Variants in KLRG1 observed in about 807,000 individuals in gnomAD.
KLRG1 encodes the protein killer cell lectin-like receptor subfamily G member 1.
In KLRG1, 16 loss-of-function variants were observed where a neutral mutation model predicts 21.8. The ratio of observed to expected loss-of-function variants is 0.73; its 90% CI spans 0.50 to 1.11. KLRG1 has a LOEUF of 1.11. Ranked by LOEUF, KLRG1 falls within the 50% of genes most tolerant of loss-of-function variation. The probability of loss-of-function intolerance (pLI) is 0.00; values close to 1 mark genes in which losing one functional copy is unlikely to be tolerated. For synonymous variants in KLRG1, 69 were observed against 75.9 expected (o/e 0.91, Z 0.47); for missense variants, 173 against 218.3 (o/e 0.79, Z 1.31).
At chr12:9,008,215 T>G (rs1947530027) in intron 3 of KLRG1, among the ~76,000 whole-genome samples, 1 of 152,196 alleles carries the variant, frequency 6.6e-6, no homozygotes, top group Non-Finnish European at 1.5e-5. Flanking sequence ...ATTTATATAT[T>G]TAAGGATGAT....
the KLRG1 span, chr12:9,196,697 A>T: frequency 6.5e-7 from 1 of 1,549,484 alleles, no homozygotes; most frequent in Non-Finnish European, 8.9e-7. Flanking sequence ...TGAGAAAAAT[A>T]CCAAAACCAA....
chr12:9,105,886 A>C, the KLRG1 span, among the ~76,000 whole-genome samples: 1 of 152,176 alleles, frequency 6.6e-6, no homozygotes, highest in Non-Finnish European at 1.5e-5. Context: ...ATGAATTTTG[A>C]GATTCTTGTG....
chr12:9,101,607 T>C, the KLRG1 span: 5 of 1,614,018 alleles, frequency 3.1e-6, no homozygotes, highest in South Asian at 3.3e-5. Context: ...AGCAGTGTGA[T>C]GTGCCTCTTC....
intron 2 of KLRG1, among the ~76,000 whole-genome samples, chr12:8,992,867 C>A (rs1373963305): frequency 6.6e-6 from 1 of 151,988 alleles, no homozygotes; most frequent in Non-Finnish European, 1.5e-5. Flanking sequence ...GCAGTCAAGT[C>A]CTCTTAAAAT....
At chr12:9,105,733 G>C in the KLRG1 span, among the ~76,000 whole-genome samples, 2 of 152,090 alleles carry the variant, frequency 1.3e-5, no homozygotes, top group African/African-American at 2.4e-5. Context: ...AAATATACTT[G>C]TTATAGAAAA....
chr12:9,053,834 A>T, the KLRG1 span, among the ~76,000 whole-genome samples: 1 of 152,186 alleles, frequency 6.6e-6, no homozygotes, highest in African/African-American at 2.4e-5. Flanking sequence ...GCTGCATACT[A>T]ATGAAACTAC....
At chr12:8,999,553 G>A (rs1232610751) in intron 3 of KLRG1, among the ~76,000 whole-genome samples, 1 of 152,126 alleles carries the variant, frequency 6.6e-6, no homozygotes, top group Admixed American at 6.6e-5. Flanking sequence ...CCTTCTTTGG[G>A]TGCAGCAATG....
the KLRG1 span, among the ~76,000 whole-genome samples, chr12:9,147,929 T>G: frequency 6.6e-6 from 1 of 152,204 alleles, no homozygotes; most frequent in Non-Finnish European, 1.5e-5. Flanking sequence ...AGTTTTTTTT[T>G]TCTCCCACAC....
the KLRG1 span, chr12:9,072,907 C>T: frequency 1.3e-6 from 2 of 1,562,302 alleles, no homozygotes; most frequent in Admixed American, 3.5e-5. Context: ...ACCCATTGGG[C>T]ATTATAAGGC....
chr12:8,969,189 G>A (rs763354821), intron 1 of KLRG1, among the ~76,000 whole-genome samples: 20 of 152,338 alleles, frequency 1.3e-4, no homozygotes, highest in African/African-American at 4.3e-4. Context: ...CTCCAGCCAG[G>A]CTGAGTCTGC....
At chr12:9,008,915 A>T in intron 3 of KLRG1, 60 bp from the exon 4 acceptor site, 1 of 1,099,436 alleles carries the variant, frequency 9.1e-7, no homozygotes, top group Non-Finnish European at 1.4e-6. Flanking sequence ...CAATGTGGAA[A>T]GGAATAATTG....
At chr12:8,984,052 G>A (rs1421947631) in intron 1 of KLRG1, among the ~76,000 whole-genome samples, 1 of 151,928 alleles carries the variant, frequency 6.6e-6, no homozygotes, top group Non-Finnish European at 1.5e-5. Flanking sequence ...TATACTATTT[G>A]GCATTGTTCA....
chr12:9,199,374 A>G, the KLRG1 span, among the ~76,000 whole-genome samples: 20 of 152,194 alleles, frequency 1.3e-4, no homozygotes, highest in Non-Finnish European at 2.9e-5. Context: ...TATGGTATAC[A>G]TATGAAGAAA....
chr12:9,168,984 A>C, the KLRG1 span: 11 of 1,591,888 alleles, frequency 6.9e-6, no homozygotes, highest in South Asian at 1.2e-4. Flanking sequence ...CCTGGAAAAA[A>C]ATAATTGTTC....
At chr12:8,965,680 A>G (rs1169139412) in intron 1 of KLRG1, among the ~76,000 whole-genome samples, 2 of 152,262 alleles carry the variant, frequency 1.3e-5, no homozygotes, top group African/African-American at 4.8e-5. Flanking sequence ...GCTCAATGAA[A>G]TAAAAGAGGA....
At chr12:9,095,629 G>A in the KLRG1 span, 1 of 1,609,854 alleles carries the variant, frequency 6.2e-7, no homozygotes, top group South Asian at 1.1e-5. Context: ...GATTGATGCA[G>A]TCTTCATTGT....
rs114631940 is a variant in KLRG1, at chr12:8,980,911, G to A, written c.-155-11295G>A. Among the ~76,000 whole-genome samples, 171 of 152,332 alleles carry A rather than the reference G, an allele frequency of 1.1e-3. 1 individual carries two copies. The highest frequency in any genetic ancestry group is 3.9e-3 in the African/African-American group (162 of 41,584). ...GCTCTCCTTTTCACCTTGTGAGGAA[G>A]TCACAGCTGATGGTATTCCTCTTGT... is the stretch of plus-strand genomic sequence containing the variant. On this transcript the variant is annotated intron_variant, in intron 1 of 4. Coordinates refer to the KLRG1 transcript ENST00000539240.
chr12:9,182,544 G>A, the KLRG1 span, among the ~76,000 whole-genome samples: 1 of 152,020 alleles, frequency 6.6e-6, no homozygotes, highest in Non-Finnish European at 1.5e-5. Flanking sequence ...AAAAAGCTCT[G>A]TATGTAAAAA....
intron 2 of KLRG1, among the ~76,000 whole-genome samples, chr12:8,993,409 C>T (rs1222933543): frequency 6.6e-6 from 1 of 151,982 alleles, no homozygotes; most frequent in Admixed American, 6.6e-5. Context: ...ATGCCTCAGC[C>T]TCCCGAGTAG....
Sources: gnomAD v4.1 joint callset for allele counts (sites outside exome capture counted in the v4.1 genomes callset) on GRCh38, gnomAD v4.1.1 for gene constraint, MANE v1.5 for transcripts, NCBI Gene and HGNC (gene_info 2026-07-23, HGNC 2026-07-21) for gene names.